The following CATSPERG variants were observed in gnomAD, a reference collection of about 807,000 sequenced individuals.
CATSPERG encodes catsper channel auxiliary subunit gamma, also known as cation channel sperm-associated auxiliary subunit gamma.
In CATSPERG, 115 loss-of-function variants were observed where a neutral mutation model predicts 145.0. The ratio of observed to expected loss-of-function variants is 0.79; its 90% CI spans 0.68 to 0.93. The LOEUF (loss-of-function observed/expected upper bound fraction) is 0.93. Among genes scored for constraint, CATSPERG ranks in the 40% least tolerant of loss-of-function variants. The pLI, the probability that CATSPERG is intolerant of heterozygous loss-of-function variation, is 0.00. For synonymous variants in CATSPERG, 588 were observed against 589.0 expected (o/e 1.00, Z 0.02); for missense variants, 1,296 against 1,490.1 (o/e 0.87, Z 2.14).
Position 38,362,769 on chromosome 19 carries a change from C to T in CATSPERG, c.2412C>T (p.Pro804=), listed in dbSNP as rs771443919. Residue 804 remains proline, a synonymous_variant, in exon 20 of 29, where the codon CCC becomes CCT. Transcript: ENST00000409235. ...ACGTGGGCGTGGTGCTGGCCGACCCCGGCTGCATCGAGGCCTCGGTGAAGC... is the reference window on the plus strand; with the variant it reads ...ACGTGGGCGTGGTGCTGGCCGACCCTGGCTGCATCGAGGCCTCGGTGAAGC... ...QVDVGVVLAD[P]GCIEASVKQE... The T allele has an allele frequency of 1.1e-5, 17 of 1,613,870 alleles. No individual in the cohort carries two copies. The highest frequency in any genetic ancestry group is 5.0e-5 in the Admixed American group (3 of 60,002).
chr19:38,365,201 T>A, intron 22 of CATSPERG, 84 bp downstream of exon 22: 1 of 1,159,128 alleles, frequency 8.6e-7, no homozygotes, highest in Non-Finnish European at 1.3e-6. Flanking sequence ...AGAATCCCAC[T>A]AATGCATTCA....
intron 3 of CATSPERG, among the ~76,000 whole-genome samples, chr19:38,342,498 G>A (rs1969955627): frequency 6.6e-6 from 1 of 151,762 alleles, no homozygotes; most frequent in African/African-American, 2.4e-5. Flanking sequence ...TACTCAGGAG[G>A]CTGAGGCAGG....
intron 3 of CATSPERG, 35 bp from the exon 4 acceptor site, chr19:38,343,545 A>G: frequency 6.6e-7 from 1 of 1,516,526 alleles, no homozygotes; most frequent in Non-Finnish European, 8.9e-7. Context: ...AGAGGCTACC[A>G]TAAGGACACA....
chr19:38,367,464 C>A, intron 23 of CATSPERG, 45 bp from the exon 24 acceptor site: 3 of 1,593,220 alleles, frequency 1.9e-6, no homozygotes, highest in Non-Finnish European at 1.7e-6. Context: ...CTTCTCGGGC[C>A]AAGCTAATTT....
intron 20 of CATSPERG, among the ~76,000 whole-genome samples, chr19:38,364,249 G>T (rs1443132765): frequency 1.3e-5 from 2 of 152,152 alleles, no homozygotes; most frequent in Non-Finnish European, 2.9e-5. Context: ...CTCAGACGGG[G>T]CGGTTGCCAG....
At position 38,364,084 on chromosome 19, in the gene CATSPERG, G is replaced by A. The variant is rs548962074; in HGVS notation, c.2476-807G>A. On this transcript the variant is annotated intron_variant, in intron 20 of 28. Coordinates refer to ENST00000409235, the MANE Select transcript of CATSPERG (RefSeq NM_021185.5). ...CACCTCCCGGACGGGGCAGCTGGCC[G>A]GGCGGGGGGCTGACCCCCCCACCTC... is the stretch of plus-strand genomic sequence containing the variant. Among the ~76,000 whole-genome samples the A allele has an allele frequency of 1.5e-4, 23 of 151,182 alleles. No individual in the cohort carries two copies. The East Asian group carries it at 4.5e-3, about 30-fold the overall frequency.
intron 14 of CATSPERG, chr19:38,359,911 GA>G: frequency 9.5e-7 from 1 of 1,047,460 alleles, no homozygotes; most frequent in Non-Finnish European, 1.2e-6. Context: ...CTGCAATGGG[GA>G]AAATATTACC....
intron 3 of CATSPERG, among the ~76,000 whole-genome samples, chr19:38,339,061 T>C (rs566447725): frequency 5.7e-4 from 87 of 152,078 alleles, no homozygotes; most frequent in Non-Finnish European, 9.1e-4. Flanking sequence ...TGGAGGCTGC[T>C]AAAGCCCCGA....
Position 38,367,748 on chromosome 19 carries a change from A to G in CATSPERG, c.2902A>G (p.Ile968Val), listed in dbSNP as rs1333468757. The change falls in exon 25 of 29, where the codon ATC (isoleucine) becomes GTC (valine). Residue 968 changes from isoleucine to valine, a missense_variant. Coordinates refer to ENST00000409235, the MANE Select transcript of CATSPERG (RefSeq NM_021185.5). ...DSLKDYSEDE[I>V]YRFNSPLDKT... Reference sequence around the variant, plus strand: ...CCTCAAGGACTACAGTGAGGACGAAATCTACCGCTTCAACAGCCCCCTGGA... The same window carrying G: ...CCTCAAGGACTACAGTGAGGACGAAGTCTACCGCTTCAACAGCCCCCTGGA... 12 of 1,614,076 alleles carry G rather than the reference A, an allele frequency of 7.4e-6. 1 individual carries two copies. Among genetic ancestry groups the G allele is most frequent in the Non-Finnish European group, 1.0e-5 (12 of 1,179,982 alleles).
intron 20 of CATSPERG, among the ~76,000 whole-genome samples, chr19:38,363,590 T>C (rs1443499924): frequency 1.3e-5 from 2 of 151,454 alleles, no homozygotes; most frequent in Non-Finnish European, 2.9e-5. Context: ...TCTCTGGTTT[T>C]CCTAGGCAGA....
At chr19:38,359,716 T>C (rs1600473919) in intron 14 of CATSPERG, 135 bp downstream of exon 14, 1 of 1,408,280 alleles carries the variant, frequency 7.1e-7, no homozygotes, top group East Asian at 2.7e-5. Context: ...GCAGTGAAGC[T>C]CCATTTATAA....
At position 38,344,882 on chromosome 19, in the gene CATSPERG, C is replaced by CACAT. The variant is rs1379988844; in HGVS notation, c.669+515_669+516insCATA. On this transcript the variant is annotated intron_variant, in intron 6 of 28. Transcript: ENST00000409235. ...ACACACACACACACACACACACACA[C>CACAT]ATATATATATATATATATATTTTTT... 3.0e-4 allele frequency among the ~76,000 whole-genome samples: 16 copies of CACAT among 53,320 alleles called. 1 individual carries two copies. The highest frequency in any genetic ancestry group is 3.8e-4 in the Non-Finnish European group (9 of 23,772). 35.0% of individuals were successfully genotyped at this position (53,320 alleles called of 152,430 possible).
chr19:38,346,703 A>G (rs1234516392), intron 7 of CATSPERG, 98 bp downstream of exon 7: 9 of 1,149,422 alleles, frequency 7.8e-6, no homozygotes, highest in African/African-American at 1.6e-5. Flanking sequence ...AGAAGTCCCC[A>G]AAGACATATC....
chr19:38,367,909 C>T (rs1215495385), intron 25 of CATSPERG, 133 bp downstream of exon 25: 4 of 1,151,258 alleles, frequency 3.5e-6, no homozygotes, highest in East Asian at 2.3e-5. Context: ...CTCTTAGGAT[C>T]TCACAGGCAA....
In CATSPERG at chr19:38,344,005, C is replaced by T. The variant is rs1555728232; in HGVS notation, c.482C>T (p.Ala161Val). ...APFRSKEPCM[A>V]EEVCSMSWYT... Reference sequence around the variant, plus strand: ...GGCCTCCCTGCAGAGCCATGCATGGCAGAAGAAGTGTGTAGCATGAGCTGG... The same window carrying T: ...GGCCTCCCTGCAGAGCCATGCATGGTAGAAGAAGTGTGTAGCATGAGCTGG... The change falls in exon 5 of 29, where the codon GCA (alanine) becomes GTA (valine). Residue 161 changes from alanine (A) to valine (V), a missense_variant. Ala to Val is a moderately conservative substitution (Grantham distance 64). Coordinates refer to ENST00000409235, the MANE Select transcript of CATSPERG (RefSeq NM_021185.5). 3 of 1,550,686 alleles carry T rather than the reference C, an allele frequency of 1.9e-6. No individual in the cohort carries two copies. The South Asian group carries it at 3.6e-5, about 18-fold the overall frequency.
chr19:38,361,916 G>A, intron 17 of CATSPERG, 55 bp downstream of exon 17: 2 of 1,506,956 alleles, frequency 1.3e-6, no homozygotes, highest in South Asian at 1.2e-5. Context: ...GCAGCCGGGA[G>A]CTGGCTTAGA....
At chr19:38,346,400 C>G (rs1352242307) in intron 6 of CATSPERG, 50 bp from the exon 7 acceptor site, 9 of 1,477,578 alleles carry the variant, frequency 6.1e-6, no homozygotes, top group Non-Finnish European at 8.2e-6. Context: ...GAGATGGAGT[C>G]TCAGGAGAGT....
intron 14 of CATSPERG, chr19:38,360,079 T>C (rs1025697045): frequency 1.0e-6 from 1 of 984,174 alleles, no homozygotes; most frequent in Non-Finnish European, 1.2e-6. Flanking sequence ...CAGATGTGTA[T>C]GGGGGTGGGC....
intron 6 of CATSPERG, 85 bp from the exon 7 acceptor site, chr19:38,346,365 T>G: frequency 7.6e-7 from 1 of 1,309,132 alleles, no homozygotes; most frequent in Non-Finnish European, 1.0e-6. Flanking sequence ...GCCTTGTGGG[T>G]CCAGGTCAGG....
Sources: gnomAD v4.1 joint callset for allele counts (sites outside exome capture counted in the v4.1 genomes callset) on GRCh38, gnomAD v4.1.1 for gene constraint, MANE v1.5 for transcripts, NCBI Gene and HGNC (gene_info 2026-07-23, HGNC 2026-07-21) for gene names.